Variants in NEK11 observed in about 807,000 individuals in gnomAD.
NEK11 encodes NIMA related kinase 11.
In NEK11, 72 loss-of-function variants were observed where a neutral mutation model predicts 80.7. The observed-to-expected ratio is 0.89, with a 90% CI of 0.74 to 1.08. The LOEUF is 1.08. Ranked by LOEUF, NEK11 falls within the 50% of genes least tolerant of loss-of-function variation. NEK11 has a pLI of 0.00. For missense variants in NEK11, 764 were observed against 763.6 expected (o/e 1.00, Z -0.01); for synonymous variants, 251 against 260.7 (o/e 0.96, Z 0.36).
intron 17 of NEK11, among the ~76,000 whole-genome samples, chr3:131,287,746 C>T (rs2096490873): frequency 6.6e-6 from 1 of 152,176 alleles, no homozygotes. Context: ...GCTGAGCCAG[C>T]CCACCTTGGT....
chr3:131,032,493 G>A (rs1282470019), intron 3 of NEK11, among the ~76,000 whole-genome samples: 1 of 152,130 alleles, frequency 6.6e-6, no homozygotes, highest in Non-Finnish European at 1.5e-5. Context: ...TCCACTACGT[G>A]CCGACCTTTG....
At chr3:131,228,933 G>T (rs974748324) in intron 15 of NEK11, among the ~76,000 whole-genome samples, 2 of 151,938 alleles carry the variant, frequency 1.3e-5, no homozygotes, top group Non-Finnish European at 1.5e-5. Flanking sequence ...CTTATTTGGG[G>T]GGTTGGGAGA....
intron 17 of NEK11, among the ~76,000 whole-genome samples, chr3:131,301,053 T>C (rs930277754): frequency 1.3e-5 from 2 of 152,212 alleles, no homozygotes; most frequent in African/African-American, 4.8e-5. Flanking sequence ...CTCTGATTTC[T>C]TTGAGCAATG....
At chr3:131,349,260 T>G (rs2097417524) in intron 17 of NEK11, among the ~76,000 whole-genome samples, 1 of 152,124 alleles carries the variant, frequency 6.6e-6, no homozygotes. Context: ...TATAAACACA[T>G]CTGTGTGTAT....
chr3:131,344,878 C>A (rs1475944351), intron 17 of NEK11, among the ~76,000 whole-genome samples: 1 of 152,186 alleles, frequency 6.6e-6, no homozygotes, highest in African/African-American at 2.4e-5. Flanking sequence ...TCCCAAGACC[C>A]AAACACCTAC....
chr3:131,050,753 G>A (rs1227882900), intron 3 of NEK11, among the ~76,000 whole-genome samples: 2 of 152,186 alleles, frequency 1.3e-5, no homozygotes, highest in Non-Finnish European at 2.9e-5. Flanking sequence ...GTAAGGCCAG[G>A]CATGGTGGCT....
At chr3:131,122,113 C>T (rs2082485709) in intron 5 of NEK11, among the ~76,000 whole-genome samples, 1 of 152,134 alleles carries the variant, frequency 6.6e-6, no homozygotes, top group South Asian at 2.1e-4. Context: ...CATCTTGGAA[C>T]CTCCTCCCTG....
At position 131,165,412 on chromosome 3, in the gene NEK11, C is replaced by T. The variant is rs1339285321; in HGVS notation, c.1083-14C>T. 4 of 1,523,258 alleles carry T rather than the reference C, an allele frequency of 2.6e-6. No individual in the cohort carries two copies. In the Admixed American group the frequency reaches 5.0e-5, roughly 19 times the overall value. 94.4% of individuals were successfully genotyped at this position (1,523,258 alleles called of 1,614,324 possible). On this transcript the variant is annotated splice_polypyrimidine_tract_variant and intron_variant, in intron 11 of 17. Transcript: ENST00000383366. ...ATTCGCAGTTATTTTTCTACATTCACTTTAAATTTACAGAAAGATTGTGGA... is the reference window on the plus strand; with the variant it reads ...ATTCGCAGTTATTTTTCTACATTCATTTTAAATTTACAGAAAGATTGTGGA...
chr3:131,228,627 A>G lies in NEK11; in HGVS notation c.1499A>G (p.Glu500Gly). Residue 500 changes from glutamate (E) to glycine (G), a missense_variant, in exon 15 of 18, where the codon GAA becomes GGA. Physicochemically the swap from Glu to Gly is moderately conservative, Grantham distance 98 (BLOSUM62 -2). Coordinates refer to ENST00000383366, the MANE Select transcript of NEK11 (RefSeq NM_024800.5). Reference protein sequence around the residue: ...SDEEEEEIALERPEKEIRNEG... With the variant: ...SDEEEEEIALGRPEKEIRNEG... ...GAGGAGGAAGAAGAAATAGCGTTAGAAAGACCAGAGAAAGAAATCAGGAAT... is the reference window on the plus strand; with the variant it reads ...GAGGAGGAAGAAGAAATAGCGTTAGGAAGACCAGAGAAAGAAATCAGGAAT... 6.2e-7 allele frequency: 1 copy of G among 1,613,830 alleles called. No homozygotes were observed. Among genetic ancestry groups the G allele is most frequent in the Non-Finnish European group, 8.5e-7 (1 of 1,179,770 alleles).
chr3:131,153,957 G>A (rs2090174572), intron 9 of NEK11, among the ~76,000 whole-genome samples: 3 of 152,170 alleles, frequency 2.0e-5, no homozygotes, highest in Admixed American at 2.0e-4. Flanking sequence ...CCAATGGGAA[G>A]CAACCAGCCA....
intron 4 of NEK11, among the ~76,000 whole-genome samples, chr3:131,086,083 T>G (rs571934108): frequency 9.2e-5 from 14 of 152,320 alleles, no homozygotes; most frequent in Non-Finnish European, 1.2e-4. Context: ...TCTCAGTACA[T>G]CATATTAAGG....
intron 17 of NEK11, among the ~76,000 whole-genome samples, chr3:131,291,835 G>T (rs146533859): frequency 6.3e-4 from 96 of 152,132 alleles, no homozygotes; most frequent in Non-Finnish European, 1.1e-3. Flanking sequence ...TGTATATTTT[G>T]CATAATAGCC....
rs189065690 is a variant in NEK11 at position 131,149,440 on chromosome 3, T to C, written c.648-2948T>C. On this transcript the variant is annotated intron_variant, in intron 7 of 17. Transcript: ENST00000383366. ...GTGCTACAATGAACATATGCATGCA[T>C]GTGTCTTTATGGTAGAACGATTTGT... 1.1e-4 allele frequency among the ~76,000 whole-genome samples: 17 copies of C among 152,230 alleles called. 1 individual carries two copies. Among genetic ancestry groups the C allele is most frequent in the Admixed American group, 8.5e-4 (13 of 15,286 alleles).
At chr3:131,111,034 G>A (rs557091681) in intron 5 of NEK11, among the ~76,000 whole-genome samples, 1 of 152,018 alleles carries the variant, frequency 6.6e-6, no homozygotes, top group East Asian at 1.9e-4. Context: ...ATTTATATTG[G>A]TATTTCTTTT....
intron 7 of NEK11, among the ~76,000 whole-genome samples, chr3:131,145,582 A>G (rs1025826705): frequency 6.6e-6 from 1 of 152,102 alleles, no homozygotes; most frequent in Non-Finnish European, 1.5e-5. Flanking sequence ...AGAACCTGAA[A>G]TTACCTTGGG....
chr3:131,044,007 C>G (rs2066941683), intron 3 of NEK11, among the ~76,000 whole-genome samples: 1 of 152,044 alleles, frequency 6.6e-6, no homozygotes, highest in Non-Finnish European at 1.5e-5. Flanking sequence ...CCATATCCAG[C>G]CAAACTAAGC....
In NEK11 at chr3:131,055,401, T is replaced by C. The variant is rs567852026; in HGVS notation, c.171-25022T>C. ...GCTTTGGAAGGAAATAGACAATAAA[T>C]ACAAATATATAATATACTAAAATGT... On this transcript the variant is annotated intron_variant, in intron 3 of 17. Transcript: ENST00000383366. Among the ~76,000 whole-genome samples the C allele has an allele frequency of 1.9e-3, 289 of 152,114 alleles. 3 individuals are homozygous for C. Among genetic ancestry groups the C allele is most frequent in the Non-Finnish European group, 2.6e-3 (178 of 67,980 alleles).
chr3:131,326,978 C>A (rs1400883787), intron 17 of NEK11, among the ~76,000 whole-genome samples: 3 of 152,154 alleles, frequency 2.0e-5, no homozygotes, highest in Non-Finnish European at 4.4e-5. Context: ...AGCTTTCTTC[C>A]CCTCCAGAGG....
At chr3:131,045,441 A>G (rs978566155) in intron 3 of NEK11, among the ~76,000 whole-genome samples, 1 of 152,142 alleles carries the variant, frequency 6.6e-6, no homozygotes, top group African/African-American at 2.4e-5. Context: ...TTTAATTTCA[A>G]TGTATTTCCA....
Sources: gnomAD v4.1 joint callset for allele counts (sites outside exome capture counted in the v4.1 genomes callset) on GRCh38, gnomAD v4.1.1 for gene constraint, MANE v1.5 for transcripts, NCBI Gene and HGNC (gene_info 2026-07-23, HGNC 2026-07-21) for gene names.